ATP8A2: variants seen among roughly 807,000 people sequenced by gnomAD.
ATP8A2 encodes ATPase phospholipid transporting 8A2.
In ATP8A2, 100 loss-of-function variants were observed where a neutral mutation model predicts 165.6. The ratio of observed to expected loss-of-function variants is 0.60; its 90% CI spans 0.51 to 0.71. The LOEUF (loss-of-function observed/expected upper bound fraction) is 0.71, where lower values mean the gene tolerates loss of function less well. ATP8A2 is among the 30% of genes least tolerant of loss of function. The probability of loss-of-function intolerance (pLI) is 0.00; values close to 1 mark genes in which losing one functional copy is unlikely to be tolerated. For synonymous variants in ATP8A2, 543 were observed against 548.8 expected, an observed-to-expected ratio of 0.99 and a Z score of 0.15; for missense variants, 1,227 against 1,479.5, an observed-to-expected ratio of 0.83 and a Z score of 2.80.
intron 27 of ATP8A2, among the ~76,000 whole-genome samples, chr13:25,797,905 TTGG>T (rs1950529876): frequency 6.6e-6 from 1 of 152,194 alleles, no homozygotes; most frequent in Admixed American, 6.5e-5. Flanking sequence ...TTGATTCCGT[TTGG>T]ACTGTGAATA....
intron 24 of ATP8A2, among the ~76,000 whole-genome samples, chr13:25,602,496 C>T (rs117349056): frequency 6.6e-6 from 1 of 152,176 alleles, no homozygotes; most frequent in African/African-American, 2.4e-5. Context: ...TTAAGACTCC[C>T]CTTTTTACTC....
chr13:25,665,694 C>A (rs2042138883), intron 24 of ATP8A2, among the ~76,000 whole-genome samples: 1 of 150,016 alleles, frequency 6.7e-6, no homozygotes, highest in Non-Finnish European at 1.5e-5. Context: ...GGTTCTGTAA[C>A]CCAGAGCTTA....
intron 25 of ATP8A2, among the ~76,000 whole-genome samples, chr13:25,699,985 A>C (rs990226130): frequency 3.3e-5 from 5 of 152,200 alleles, no homozygotes; most frequent in Non-Finnish European, 5.9e-5. Context: ...GTGGTCACCA[A>C]AGGTCACAGA....
intron 10 of ATP8A2, among the ~76,000 whole-genome samples, chr13:25,549,269 C>G (rs752860140): frequency 4.6e-5 from 7 of 152,044 alleles, no homozygotes; most frequent in Non-Finnish European, 8.8e-5. Context: ...ACCATCCTGG[C>G]TAACATGGTG....
chr13:25,511,810 A>G lies in ATP8A2; in HGVS notation c.222-18189A>G, dbSNP rs2037233844. ...GGGTACTTCGTGTACCCTTTCAATC[A>G]GAAATCTTTGTTCTTAGAGTTCTAG... is the stretch of plus-strand genomic sequence containing the variant. On this transcript the variant is annotated intron_variant, in intron 2 of 36. Coordinates refer to ENST00000381655, the MANE Select transcript of ATP8A2 (RefSeq NM_016529.6). Among the ~76,000 whole-genome samples, 3 of 152,150 alleles carry G rather than the reference A, an allele frequency of 2.0e-5. No individual in the cohort carries two copies. The South Asian group carries it at 6.2e-4, about 32-fold the overall frequency.
chr13:25,865,980 G>A (rs1324154196), intron 33 of ATP8A2, among the ~76,000 whole-genome samples: 5 of 152,106 alleles, frequency 3.3e-5, no homozygotes, highest in Non-Finnish European at 7.4e-5. Context: ...GATAAAATGG[G>A]TCCCCAAAGC....
chr13:25,518,817 A>C (rs1381568610), intron 2 of ATP8A2, among the ~76,000 whole-genome samples: 1 of 152,130 alleles, frequency 6.6e-6, no homozygotes, highest in Admixed American at 6.5e-5. Flanking sequence ...GTATGTGCCT[A>C]ATTATGAGTT....
Position 25,555,092 on chromosome 13 carries a change from G to A in ATP8A2, c.1263+24G>A, listed in dbSNP as rs756260190. Reference sequence around the variant, plus strand: ...AGGTGAAAAAGCCTCTGGGAACTTTGGGAATGGTGACACGAGCATGAGGGA... The same window carrying A: ...AGGTGAAAAAGCCTCTGGGAACTTTAGGAATGGTGACACGAGCATGAGGGA... On this transcript the variant is annotated intron_variant, in intron 13 of 36. Coordinates refer to ENST00000381655, the MANE Select transcript of ATP8A2 (RefSeq NM_016529.6). 7.0e-6 allele frequency: 11 copies of A among 1,563,128 alleles called. No individual in the cohort carries two copies. The East Asian group carries it at 2.5e-4, about 35-fold the overall frequency.
intron 33 of ATP8A2, among the ~76,000 whole-genome samples, chr13:25,958,891 G>C (rs1955594106): frequency 6.6e-6 from 1 of 152,136 alleles, no homozygotes; most frequent in South Asian, 2.1e-4. Flanking sequence ...AAAGTTCTGA[G>C]TTTCATAATC....
intron 25 of ATP8A2, among the ~76,000 whole-genome samples, chr13:25,709,779 C>T (rs2043124372): frequency 6.6e-6 from 1 of 151,998 alleles, no homozygotes; most frequent in Non-Finnish European, 1.5e-5. Flanking sequence ...ATCCCGTGTA[C>T]CTATAACTGT....
chr13:25,744,177 T>A (rs1263789480), intron 25 of ATP8A2, among the ~76,000 whole-genome samples: 1 of 152,210 alleles, frequency 6.6e-6, no homozygotes, highest in Non-Finnish European at 1.5e-5. Flanking sequence ...TCTTTTTCAT[T>A]TTTCTGTTTA....
chr13:25,677,925 T>A (rs1235684020), intron 24 of ATP8A2, among the ~76,000 whole-genome samples: 5 of 152,044 alleles, frequency 3.3e-5, no homozygotes, highest in Admixed American at 2.0e-4. Context: ...ACTGTGGTGA[T>A]CTGGTGCGAA....
At chr13:25,942,657 C>T (rs1411571380) in intron 33 of ATP8A2, among the ~76,000 whole-genome samples, 2 of 152,208 alleles carry the variant, frequency 1.3e-5, no homozygotes, top group Admixed American at 6.5e-5. Flanking sequence ...TCCCTGTCCT[C>T]GGGTGATCCA....
chr13:25,836,620 A>G (rs1331825406), intron 28 of ATP8A2, among the ~76,000 whole-genome samples: 1 of 152,108 alleles, frequency 6.6e-6, no homozygotes, highest in Non-Finnish European at 1.5e-5. Context: ...TCTGCAGTAG[A>G]TGGCGTTCCT....
chr13:25,534,661 C>T (rs1055342223), intron 6 of ATP8A2, among the ~76,000 whole-genome samples: 5 of 152,150 alleles, frequency 3.3e-5, no homozygotes, highest in African/African-American at 7.2e-5. Context: ...TGTACTGTAC[C>T]GCATGCAGTT....
At chr13:25,380,306 G>A (rs1216408266) in intron 1 of ATP8A2, among the ~76,000 whole-genome samples, 1 of 152,162 alleles carries the variant, frequency 6.6e-6, no homozygotes, top group East Asian at 1.9e-4. Flanking sequence ...GAGAGCCCAA[G>A]ATACTTTGTA....
intron 33 of ATP8A2, among the ~76,000 whole-genome samples, chr13:25,881,689 G>A (rs1952984490): frequency 6.6e-6 from 1 of 152,034 alleles, no homozygotes; most frequent in African/African-American, 2.4e-5. Flanking sequence ...TTTGCCTGTG[G>A]GTACTCTTTA....
chr13:25,416,556 T>C (rs1407803267), intron 1 of ATP8A2, among the ~76,000 whole-genome samples: 8 of 152,240 alleles, frequency 5.3e-5, no homozygotes, highest in African/African-American at 1.7e-4. Context: ...TCAGAGCAAG[T>C]GCAGACAGTT....
chr13:25,972,317 CT>C (rs1181803339), intron 35 of ATP8A2, among the ~76,000 whole-genome samples: 1 of 152,168 alleles, frequency 6.6e-6, no homozygotes, highest in Non-Finnish European at 1.5e-5. Context: ...ATTAGTAGAT[CT>C]TGTCTTCCAA....
Sources: allele counts gnomAD v4.1 joint callset (sites outside exome capture counted in the v4.1 genomes callset), GRCh38; gene constraint gnomAD v4.1.1; transcripts MANE v1.5; gene names NCBI Gene and HGNC (gene_info 2026-07-23, HGNC 2026-07-21).